Variants in GPHN observed in about 807,000 individuals in gnomAD.
The protein encoded by GPHN is gephyrin.
A neutral mutation model predicts 95.5 loss-of-function variants in GPHN; 17 were observed. The observed-to-expected ratio is 0.18, with a 90% CI of 0.12 to 0.27. The LOEUF is 0.27. Ranked by LOEUF, GPHN falls within the 10% of genes least tolerant of loss-of-function variation. The probability of loss-of-function intolerance (pLI) is 1.00; values close to 1 mark genes in which losing one functional copy is unlikely to be tolerated. For synonymous variants in GPHN, 320 were observed against 322.5 expected (o/e 0.99, Z 0.08); for missense variants, 660 against 978.1 (o/e 0.67, Z 4.34).
chr14:67,599,913 A>G, the GPHN span: 7 of 834,842 alleles, frequency 8.4e-6, no homozygotes, highest in South Asian at 1.3e-4. Context: ...CTCCTGTCCT[A>G]TCACTGTAGG....
At chr14:66,567,154 C>T (rs1200316141) in intron 1 of GPHN, among the ~76,000 whole-genome samples, 1 of 152,070 alleles carries the variant, frequency 6.6e-6, no homozygotes, top group African/African-American at 2.4e-5. Context: ...AATAAGAAAA[C>T]AGAAGCAGGT....
intron 9 of GPHN, among the ~76,000 whole-genome samples, chr14:66,992,314 A>T (rs138160884): frequency 6.6e-6 from 1 of 152,168 alleles, no homozygotes. Context: ...AAGGAATATG[A>T]CAATTATCTA....
At chr14:67,309,047 G>A in the GPHN span, among the ~76,000 whole-genome samples, 12 of 152,182 alleles carry the variant, frequency 7.9e-5, no homozygotes, top group South Asian at 1.5e-3. Flanking sequence ...AGATAATTGC[G>A]TCCAAACAGT....
At chr14:66,698,212 T>C (rs1044798194) in intron 2 of GPHN, among the ~76,000 whole-genome samples, 1 of 152,172 alleles carries the variant, frequency 6.6e-6, no homozygotes, top group Non-Finnish European at 1.5e-5. Flanking sequence ...TGATGAATTT[T>C]GTTAATGTTA....
At chr14:67,669,292 C>T in the GPHN span, among the ~76,000 whole-genome samples, 38 of 145,344 alleles carry the variant, frequency 2.6e-4, no homozygotes, top group South Asian at 7.3e-3. Flanking sequence ...TTTTTTGAGA[C>T]GGAGTCTTGC....
intron 2 of GPHN, among the ~76,000 whole-genome samples, chr14:66,751,194 C>T (rs2058350705): frequency 6.6e-6 from 1 of 151,924 alleles, no homozygotes; most frequent in African/African-American, 2.4e-5. Flanking sequence ...ATTTATATTA[C>T]TTTGGATATA....
chr14:67,235,539 C>T, the GPHN span, among the ~76,000 whole-genome samples: 1 of 152,036 alleles, frequency 6.6e-6, no homozygotes, highest in African/African-American at 2.4e-5. Context: ...CACGGTGAAA[C>T]CCTGTCTCTA....
the GPHN span, among the ~76,000 whole-genome samples, chr14:67,428,688 T>C: frequency 6.6e-6 from 1 of 152,228 alleles, no homozygotes; most frequent in African/African-American, 2.4e-5. Flanking sequence ...AGCTATTCCC[T>C]CACCAGAACT....
the GPHN span, among the ~76,000 whole-genome samples, chr14:67,327,374 C>T: frequency 0.024 from 3,702 of 151,142 alleles, 71 homozygotes; most frequent in Non-Finnish European, 0.036. Flanking sequence ...ATATAAAAGG[C>T]GGGGTACAGT....
chr14:67,539,386 A>G, the GPHN span, among the ~76,000 whole-genome samples: 1 of 152,118 alleles, frequency 6.6e-6, no homozygotes, highest in Admixed American at 6.6e-5. Flanking sequence ...GGGCTGGGAG[A>G]GCAGCGCTGA....
chr14:66,679,126 G>A (rs1275311968), intron 1 of GPHN, among the ~76,000 whole-genome samples: 1 of 152,226 alleles, frequency 6.6e-6, no homozygotes, highest in Non-Finnish European at 1.5e-5. Flanking sequence ...CACATTGACT[G>A]TAGTTGTAGC....
At position 67,096,521 on chromosome 14, in the gene GPHN, TC is replaced by T. The variant is rs372302592; in HGVS notation, c.1238-4334del. Among the ~76,000 whole-genome samples the T allele has an allele frequency of 5.3e-4, 81 of 152,304 alleles. 1 individual carries two copies. The East Asian group carries it at 0.012, about 22-fold the overall frequency. ...GAGAATGCCAACTTCATTTCTTTAT[TC>T]TTTTAACAAATATTTATTATCAGCG... On this transcript the variant is annotated intron_variant, in intron 12 of 22. Coordinates refer to ENST00000478722, the MANE Select transcript of GPHN (RefSeq NM_020806.5).
chr14:67,108,712 GGTGTGTGTGTGT>G (rs3063159), intron 13 of GPHN, among the ~76,000 whole-genome samples: 228 of 131,206 alleles, frequency 1.7e-3, no homozygotes, highest in African/African-American at 5.9e-3. Context: ...TTCCCTAAGG[GGTGTGTGTGTGT>G]GTGTGTGTGT....
chr14:66,613,375 C>G (rs993754914), intron 1 of GPHN, among the ~76,000 whole-genome samples: 4 of 152,082 alleles, frequency 2.6e-5, no homozygotes, highest in Non-Finnish European at 5.9e-5. Context: ...CTTCAGTATT[C>G]TTCATGGCAC....
At chr14:66,928,564 G>A (rs1397384832) in intron 8 of GPHN, among the ~76,000 whole-genome samples, 1 of 151,844 alleles carries the variant, frequency 6.6e-6, no homozygotes, top group African/African-American at 2.4e-5. Flanking sequence ...CTACTAATTT[G>A]GGCTTGATTT....
chr14:67,111,779 T>C, intron 14 of GPHN, 82 bp from the exon 15 acceptor site: 1 of 1,009,872 alleles, frequency 9.9e-7, no homozygotes, highest in Non-Finnish European at 1.6e-6. Context: ...CCTGGGCCTA[T>C]CTGATGGTAA....
At chr14:67,465,223 C>A in the GPHN span, among the ~76,000 whole-genome samples, 1 of 152,360 alleles carries the variant, frequency 6.6e-6, no homozygotes, top group Non-Finnish European at 1.5e-5. Flanking sequence ...GAGATAGAAA[C>A]CAATGTTGCC....
downstream of GPHN, among the ~76,000 whole-genome samples, chr14:67,182,787 G>C (rs2140221313): frequency 6.6e-6 from 1 of 151,604 alleles, no homozygotes; most frequent in East Asian, 1.9e-4. Context: ...CAGATTTTAA[G>C]GGTTGGAAGA....
chr14:67,224,154 G>C, the GPHN span, among the ~76,000 whole-genome samples: 1 of 152,036 alleles, frequency 6.6e-6, no homozygotes, highest in South Asian at 2.1e-4. Flanking sequence ...TAAGGTTTTG[G>C]GATAAAGTGG....
Sources: allele counts gnomAD v4.1 joint callset (sites outside exome capture counted in the v4.1 genomes callset), GRCh38; gene constraint gnomAD v4.1.1; transcripts MANE v1.5; gene names NCBI Gene and HGNC (gene_info 2026-07-23, HGNC 2026-07-21).